SLC39A10: variants seen among roughly 807,000 people sequenced by gnomAD.
SLC39A10 encodes the protein zinc transporter ZIP10.
In SLC39A10, 13 loss-of-function variants were observed where a neutral mutation model predicts 65.1. That is an observed-to-expected ratio of 0.20 (90% confidence interval 0.13 to 0.32). The LOEUF (loss-of-function observed/expected upper bound fraction) is 0.32. SLC39A10 is among the 10% of genes least tolerant of loss of function. The pLI, the probability that SLC39A10 is intolerant of heterozygous loss-of-function variation, is 1.00. For missense variants in SLC39A10, 831 were observed against 1,018.4 expected, an observed-to-expected ratio of 0.82 and a Z score of 2.50; for synonymous variants, 321 against 342.2, an observed-to-expected ratio of 0.94 and a Z score of 0.68.
At chr2:195,631,118 G>A (rs2105696810) in intron 2 of SLC39A10, among the ~76,000 whole-genome samples, 1 of 152,150 alleles carries the variant, frequency 6.6e-6, no homozygotes, top group South Asian at 2.1e-4. Flanking sequence ...CCCAGGGGGT[G>A]GAGGTTGCAA....
At chr2:195,653,294 A>AT (rs71015715), upstream of SLC39A10, among the ~76,000 whole-genome samples, 16 of 129,108 alleles carry the variant, frequency 1.2e-4, no homozygotes, top group African/African-American at 3.4e-4. Flanking sequence ...CTGTGCCTGA[A>AT]TTTTTTTTTT....
intron 5 of SLC39A10, among the ~76,000 whole-genome samples, chr2:195,710,495 T>C (rs1445190345): frequency 1.3e-5 from 2 of 152,216 alleles, no homozygotes; most frequent in Non-Finnish European, 2.9e-5. Context: ...TTTGTATATA[T>C]TCCTTTCATG....
At chr2:195,648,363 C>T (rs1410852341) in intron 2 of SLC39A10, among the ~76,000 whole-genome samples, 1 of 152,112 alleles carries the variant, frequency 6.6e-6, no homozygotes, top group African/African-American at 2.4e-5. Context: ...TATACCACTT[C>T]CTCTGAAAAT....
chr2:195,696,305 T>A (rs927515648), intron 3 of SLC39A10, among the ~76,000 whole-genome samples: 1 of 114,996 alleles, frequency 8.7e-6, no homozygotes, highest in Admixed American at 9.9e-5. Flanking sequence ...GGATGTTTTT[T>A]ATTTTTTATT....
At chr2:195,664,633 A>G (rs529955123) in intron 1 of SLC39A10, among the ~76,000 whole-genome samples, 105 of 152,284 alleles carry the variant, frequency 6.9e-4, no homozygotes, top group African/African-American at 2.4e-3. Flanking sequence ...TAAAAATATG[A>G]ATTAAAAATA....
intron 7 of SLC39A10, 124 bp downstream of exon 7, chr2:195,717,129 G>A: frequency 7.5e-7 from 1 of 1,341,752 alleles, no homozygotes; most frequent in South Asian, 1.5e-5. Context: ...TTTTCCCAAA[G>A]GCTACAGTTT....
rs1324610331 is a variant in SLC39A10, at chr2:195,650,438, C to G, written c.-11-29594C>G. On this transcript the variant is annotated intron_variant, in intron 2 of 2. Transcript: ENST00000458054. ...CTTCTGAGTAGGTCTTTCTCTTTCT[C>G]TTGAGCCTGGTCTCATCTGTATTTT... Among the ~76,000 whole-genome samples, 5 of 152,242 alleles carry G rather than the reference C, an allele frequency of 3.3e-5. No homozygotes were observed. In the East Asian group the frequency reaches 9.6e-4, roughly 29 times the overall value.
intron 1 of SLC39A10, among the ~76,000 whole-genome samples, chr2:195,679,048 A>G (rs928397722): frequency 6.6e-6 from 1 of 152,204 alleles, no homozygotes; most frequent in African/African-American, 2.4e-5. Context: ...GCCATTTGCT[A>G]CATGTGGCTG....
Position 195,728,496 on chromosome 2 carries a change from T to G in SLC39A10, c.2337+147T>G. The G allele has an allele frequency of 1.4e-6, 1 of 740,620 alleles. No homozygotes were observed. The highest frequency in any genetic ancestry group is 2.1e-6 in the Non-Finnish European group (1 of 483,800). The allele number at this position is 740,620 out of a possible 1,614,324, so 45.9% of individuals were successfully genotyped here. A position where few individuals can be genotyped will look rare whatever the true frequency, so the allele number is the denominator to read the frequency against. On this transcript the variant is annotated intron_variant, in intron 9 of 9. Transcript: ENST00000359634. The surrounding 1 kb of genome is among the most constrained non-coding windows in gnomAD (Gnocchi z 4.4). ...AATCTCTTAAGGAAGGACATTTAAG[T>G]AGGAGGTTTCCTTTTATGGAAACCA...
chr2:195,625,880 G>A (rs1433729790), intron 2 of SLC39A10, among the ~76,000 whole-genome samples: 1 of 152,196 alleles, frequency 6.6e-6, no homozygotes, highest in African/African-American at 2.4e-5. Flanking sequence ...AATCTCCAGG[G>A]ATCGAGCAAT....
At chr2:195,673,101 G>A (rs1221043520) in intron 1 of SLC39A10, among the ~76,000 whole-genome samples, 2 of 152,164 alleles carry the variant, frequency 1.3e-5, no homozygotes, top group Non-Finnish European at 2.9e-5. Context: ...TTTAAAAAAT[G>A]CTTAACCTAT....
chr2:195,673,087 C>G (rs1487342550), intron 1 of SLC39A10, among the ~76,000 whole-genome samples: 1 of 152,130 alleles, frequency 6.6e-6, no homozygotes, highest in Admixed American at 6.6e-5. Context: ...GTTTTATAGG[C>G]TATTTTAAAA....
At chr2:195,651,439 G>A (rs1268391308) in intron 2 of SLC39A10, among the ~76,000 whole-genome samples, 2 of 152,060 alleles carry the variant, frequency 1.3e-5, no homozygotes, top group Non-Finnish European at 2.9e-5. Context: ...GCCTCAGTTT[G>A]GAATTTTACC....
chr2:195,633,567 GTCCAGCA>G (rs1688637270), intron 2 of SLC39A10, among the ~76,000 whole-genome samples: 1 of 152,164 alleles, frequency 6.6e-6, no homozygotes, highest in Non-Finnish European at 1.5e-5. Context: ...CCGAGCTCTT[GTCCAGCA>G]TCCAGGAAAA....
Position 195,737,020 on chromosome 2 carries a change from T to G in SLC39A10, c.*1979T>G, listed in dbSNP as rs536247730. 1.2e-3 allele frequency: 166 copies of G among 133,054 alleles called. 2 individuals carry two copies. The highest frequency in any genetic ancestry group is 4.2e-3 in the African/African-American group (158 of 37,852). The allele number at this position is 133,054 out of a possible 1,614,324, so 8.2% of individuals were successfully genotyped here. On this transcript the variant is annotated 3_prime_UTR_variant, in exon 10 of 10. Coordinates refer to ENST00000359634, the MANE Select transcript of SLC39A10 (RefSeq NM_020342.3). ...TATAAAAGCAATAGCTGGAATATAC[T>G]CCCAGTTTTAAAATAAATGCCTGAT...
intron 1 of SLC39A10, chr2:195,671,586 T>C (rs1015957818): frequency 6.6e-6 from 1 of 152,218 alleles, no homozygotes; most frequent in African/African-American, 2.4e-5. Flanking sequence ...CTGTGTCCTA[T>C]AAATGTCAGT....
intron 1 of SLC39A10, among the ~76,000 whole-genome samples, chr2:195,676,055 T>G (rs1331449194): frequency 1.3e-5 from 2 of 152,192 alleles, no homozygotes; most frequent in Non-Finnish European, 2.9e-5. Context: ...CATAGTTGTC[T>G]ATGTAGTAGT....
chr2:195,618,857 C>G (rs528972955), intron 2 of SLC39A10, among the ~76,000 whole-genome samples: 2 of 152,202 alleles, frequency 1.3e-5, no homozygotes, highest in East Asian at 3.9e-4. Flanking sequence ...CTTCAGGAGT[C>G]TGAGATGGGA....
At chr2:195,635,006 C>T (rs1453430127) in intron 2 of SLC39A10, among the ~76,000 whole-genome samples, 1 of 152,130 alleles carries the variant, frequency 6.6e-6, no homozygotes, top group Non-Finnish European at 1.5e-5. Context: ...TGAGATCGCA[C>T]CACTGCTACT....
Sources: gnomAD v4.1 joint callset for allele counts (sites outside exome capture counted in the v4.1 genomes callset) on GRCh38, gnomAD v4.1.1 for gene constraint, Gnocchi (gnomAD v3.1) non-coding constraint, MANE v1.5 for transcripts, NCBI Gene and HGNC (gene_info 2026-07-23, HGNC 2026-07-21) for gene names.